Variants in JPH3 observed in about 807,000 individuals in gnomAD.
The protein encoded by JPH3 is junctophilin 3, also known as junctophilin-3.
In JPH3, 11 loss-of-function variants were observed where a neutral mutation model predicts 59.6. The ratio of observed to expected loss-of-function variants is 0.18; its 90% CI spans 0.12 to 0.31. The LOEUF (loss-of-function observed/expected upper bound fraction) is 0.31, where lower values mean the gene tolerates loss of function less well. Ranked by LOEUF, JPH3 falls within the 10% of genes least tolerant of loss-of-function variation. The probability of loss-of-function intolerance (pLI) is 1.00; values close to 1 mark genes in which losing one functional copy is unlikely to be tolerated. For synonymous variants in JPH3, 673 were observed against 483.6 expected, an observed-to-expected ratio of 1.39 and a Z score of -5.14; for missense variants, 1,202 against 1,105.7, an observed-to-expected ratio of 1.09 and a Z score of -1.24.
chr16:87,686,521 C>T (rs1160115994), intron 3 of JPH3, among the ~76,000 whole-genome samples: 1 of 144,798 alleles, frequency 6.9e-6, no homozygotes, highest in African/African-American at 2.6e-5. Flanking sequence ...GAGATGTTTC[C>T]CGGAGGGCTC....
At chr16:87,649,804 C>T (rs1161905729) in intron 2 of JPH3, among the ~76,000 whole-genome samples, 2 of 132,888 alleles carry the variant, frequency 1.5e-5, no homozygotes, top group Non-Finnish European at 3.3e-5. Context: ...TCAAGTGTGA[C>T]CCATTGGCTG....
At chr16:87,686,371 G>A (rs1567614422) in intron 3 of JPH3, among the ~76,000 whole-genome samples, 1 of 148,924 alleles carries the variant, frequency 6.7e-6, no homozygotes, top group African/African-American at 2.5e-5. Flanking sequence ...TGGATTCAGA[G>A]GAGATGCTTC....
At chr16:87,616,077 C>T (rs948901599) in intron 1 of JPH3, among the ~76,000 whole-genome samples, 4 of 152,074 alleles carry the variant, frequency 2.6e-5, no homozygotes, top group Admixed American at 2.6e-4. Flanking sequence ...GAGAAGGGCA[C>T]GGGGTCTGAG....
At chr16:87,620,211 G>A (rs1324549279) in intron 1 of JPH3, among the ~76,000 whole-genome samples, 1 of 152,000 alleles carries the variant, frequency 6.6e-6, no homozygotes, top group Non-Finnish European at 1.5e-5. Flanking sequence ...GGGTGGCTAT[G>A]TCCACACTGC....
In JPH3 at chr16:87,641,461, C is replaced by T. The variant is rs528523457; in HGVS notation, c.383-2797C>T. The stretch of plus-strand genomic sequence containing the variant: ...AGAATGACCGACCAGTGTGGGATCC[C>T]AAACATCCTATCCCCTTGCCTGAAA... On this transcript the variant is annotated intron_variant, in intron 1 of 4. Coordinates refer to ENST00000284262, the MANE Select transcript of JPH3 (RefSeq NM_020655.4). Among the ~76,000 whole-genome samples the T allele has an allele frequency of 4.6e-5, 7 of 152,290 alleles. No individual in the cohort carries two copies. In the South Asian group the frequency reaches 1.0e-3, roughly 23 times the overall value.
chr16:87,639,848 C>A (rs2031886463), intron 1 of JPH3, among the ~76,000 whole-genome samples: 1 of 152,216 alleles, frequency 6.6e-6, no homozygotes, highest in Non-Finnish European at 1.5e-5. Context: ...GCTTTCCTTC[C>A]TTTTTAAGGC....
At position 87,644,250 on chromosome 16, in the gene JPH3, C is replaced by T. The variant is rs1567595689; in HGVS notation, c.383-8C>T. The T allele has an allele frequency of 1.3e-6, 2 of 1,593,492 alleles. No homozygotes were observed. Among genetic ancestry groups the T allele is most frequent in the Non-Finnish European group, 1.7e-6 (2 of 1,169,436 alleles). ...TGGGCACTCACCCCTCTCTCATTTT[C>T]TCCCCAGGGACCTACCAGGGCCAGT... On this transcript the variant is annotated splice_region_variant and splice_polypyrimidine_tract_variant and intron_variant, in intron 1 of 4. Coordinates refer to ENST00000284262, the MANE Select transcript of JPH3 (RefSeq NM_020655.4).
rs776905301 is a variant in JPH3, at chr16:87,689,973, G to A, written c.1613G>A (p.Gly538Asp). The A allele has an allele frequency of 4.8e-6, 7 of 1,456,774 alleles. No homozygotes were observed. The highest frequency in any genetic ancestry group is 2.9e-5 in the African/African-American group (2 of 69,962). 90.2% of individuals were successfully genotyped at this position (1,456,774 alleles called of 1,614,324 possible). ...RSSWGEEQAGGSRGVRSGALR... is the reference protein window; with the variant it reads ...RSSWGEEQAGDSRGVRSGALR... ...AGCTGGGGCGAGGAGCAGGCCGGGG[G>A]CTCCAGGGGTGTCCGCAGCGGTGCC... Residue 538 changes from glycine to aspartate, a missense_variant, in exon 4 of 5, where the codon GGC (glycine) becomes GAC (aspartate). Transcript: ENST00000284262.
At position 87,698,137 on chromosome 16, in the gene JPH3, T is replaced by G. The variant is rs2033979125; in HGVS notation, c.*1477T>G. The G allele has an allele frequency of 6.6e-6, 1 of 152,582 alleles. No individual in the cohort carries two copies. Among genetic ancestry groups the G allele is most frequent in the Non-Finnish European group, 1.5e-5 (1 of 68,038 alleles). 9.5% of individuals were successfully genotyped at this position (152,582 alleles called of 1,614,324 possible). ...TTTTAACCAGAAATAAACTAAAGAT[T>G]AGAGCATGTTCCAGTTAAATTCAGT... On this transcript the variant is annotated 3_prime_UTR_variant, in exon 5 of 5. Coordinates refer to ENST00000284262, the MANE Select transcript of JPH3 (RefSeq NM_020655.4).
intron 3 of JPH3, 117 bp downstream of exon 3, chr16:87,684,383 G>A (rs2033367323): frequency 1.4e-6 from 2 of 1,448,622 alleles, no homozygotes; most frequent in African/African-American, 1.4e-5. Context: ...CTCAGCCCCA[G>A]CTGCTCCCCT....
intron 1 of JPH3, among the ~76,000 whole-genome samples, chr16:87,608,191 C>A (rs2030596914): frequency 6.6e-6 from 1 of 152,206 alleles, no homozygotes; most frequent in African/African-American, 2.4e-5. Flanking sequence ...TGAGGACACC[C>A]AGCCGGAGAG....
intron 1 of JPH3, among the ~76,000 whole-genome samples, chr16:87,612,140 C>T (rs189904378): frequency 1.4e-4 from 22 of 152,228 alleles, no homozygotes; most frequent in Admixed American, 2.6e-4. Flanking sequence ...TAATTTTTTT[C>T]AGACGGGGGC....
At chr16:87,604,670 C>G in intron 1 of JPH3, 1 of 1,157,184 alleles carries the variant, frequency 8.6e-7, no homozygotes, top group Non-Finnish European at 1.1e-6. Flanking sequence ...GCCTCCGAGT[C>G]TCATGAAGAA....
intron 2 of JPH3, among the ~76,000 whole-genome samples, chr16:87,659,374 C>CGGAAG (rs1362136229): frequency 1.3e-5 from 1 of 74,556 alleles, no homozygotes. Flanking sequence ...AAGACTGTCT[C>CGGAAG]AAAAAAAAAA....
chr16:87,616,391 G>A (rs928954069), intron 1 of JPH3, among the ~76,000 whole-genome samples: 28 of 149,664 alleles, frequency 1.9e-4, no homozygotes, highest in African/African-American at 6.9e-4. Context: ...CCGCCACCAC[G>A]CCTGGTTAAG....
intron 2 of JPH3, among the ~76,000 whole-genome samples, chr16:87,681,623 G>A (rs560133478): frequency 2.5e-4 from 37 of 149,296 alleles, no homozygotes; most frequent in Middle Eastern, 3.5e-3. Context: ...GGGAGGTCAG[G>A]TGCGCGCGGT....
intron 1 of JPH3, among the ~76,000 whole-genome samples, chr16:87,637,389 G>GC (rs753146626): frequency 1.7e-5 from 2 of 114,782 alleles, no homozygotes; most frequent in African/African-American, 6.6e-5. Flanking sequence ...TCATGTTATG[G>GC]GGGAGAGAGA....
intron 1 of JPH3, among the ~76,000 whole-genome samples, chr16:87,633,375 G>A (rs1006968180): frequency 5.3e-5 from 8 of 151,386 alleles, no homozygotes; most frequent in African/African-American, 1.5e-4. Flanking sequence ...AGAGGATGCC[G>A]GGGGTGGGGG....
At chr16:87,659,043 GC>G (rs1416442232) in intron 2 of JPH3, among the ~76,000 whole-genome samples, 2 of 152,212 alleles carry the variant, frequency 1.3e-5, no homozygotes, top group Non-Finnish European at 2.9e-5. Flanking sequence ...CACAGCGAAA[GC>G]CATGCAGCCT....
Sources: allele counts gnomAD v4.1 joint callset (sites outside exome capture counted in the v4.1 genomes callset), GRCh38; gene constraint gnomAD v4.1.1; transcripts MANE v1.5; gene names NCBI Gene and HGNC (gene_info 2026-07-23, HGNC 2026-07-21).